Variants in SPMAP2L observed in about 807,000 individuals in gnomAD.
The protein encoded by SPMAP2L is sperm microtubule associated protein 2 like.
the SPMAP2L span, among the ~76,000 whole-genome samples, chr4:56,625,260 C>G: frequency 2.6e-5 from 4 of 152,244 alleles, no homozygotes; most frequent in African/African-American, 9.6e-5. Flanking sequence ...CCCATTGTAT[C>G]TAGGAAGTAA....
the SPMAP2L span, among the ~76,000 whole-genome samples, chr4:56,603,940 G>C: frequency 6.6e-6 from 1 of 152,190 alleles, no homozygotes; most frequent in Non-Finnish European, 1.5e-5. Flanking sequence ...CCATGAATGA[G>C]AGAAAAAGCT....
the SPMAP2L span, chr4:56,552,698 A>G: frequency 1.3e-6 from 1 of 761,964 alleles, no homozygotes; most frequent in Middle Eastern, 3.1e-4. Context: ...ATCCACCTCT[A>G]CTTAACTAGA....
At chr4:56,625,869 C>T in the SPMAP2L span, among the ~76,000 whole-genome samples, 2 of 152,158 alleles carry the variant, frequency 1.3e-5, no homozygotes, top group Non-Finnish European at 2.9e-5. Context: ...TCCAGATAGC[C>T]GGAGTTATTT....
At chr4:56,573,458 A>C in the SPMAP2L span, among the ~76,000 whole-genome samples, 1 of 151,740 alleles carries the variant, frequency 6.6e-6, no homozygotes, top group Admixed American at 6.6e-5. Flanking sequence ...TCTCTCACTC[A>C]CTGCTTGGGC....
chr4:56,544,135 T>A, the SPMAP2L span, among the ~76,000 whole-genome samples: 1 of 152,144 alleles, frequency 6.6e-6, no homozygotes, highest in South Asian at 2.1e-4. Flanking sequence ...ATTACAGGTG[T>A]GAGCCACCAC....
chr4:56,623,659 T>C, the SPMAP2L span, among the ~76,000 whole-genome samples: 6 of 152,162 alleles, frequency 3.9e-5, no homozygotes, highest in Admixed American at 3.9e-4. Context: ...ATTATCATGA[T>C]AGTCTATAAG....
the SPMAP2L span, among the ~76,000 whole-genome samples, chr4:56,575,251 A>AAAAAAAAAG: frequency 2.0e-5 from 3 of 151,922 alleles, no homozygotes; most frequent in African/African-American, 7.2e-5. Context: ...TCCATCTCAA[A>AAAAAAAAAG]AAAAAAAAGA....
the SPMAP2L span, among the ~76,000 whole-genome samples, chr4:56,611,962 T>C: frequency 6.6e-6 from 1 of 152,230 alleles, no homozygotes; most frequent in Non-Finnish European, 1.5e-5. Context: ...TGCCTTTAAG[T>C]TTCTGTCAAA....
chr4:56,548,127 T>C, the SPMAP2L span, among the ~76,000 whole-genome samples: 1 of 152,194 alleles, frequency 6.6e-6, no homozygotes, highest in Admixed American at 6.5e-5. Context: ...CATCTTACCC[T>C]TCCAACATCT....
chr4:56,593,024 A>G, the SPMAP2L span: 8 of 1,597,392 alleles, frequency 5.0e-6, no homozygotes, highest in Non-Finnish European at 6.9e-6. Flanking sequence ...TCTGCATGCC[A>G]TTTCAAGCAA....
the SPMAP2L span, among the ~76,000 whole-genome samples, chr4:56,597,073 G>A: frequency 2.0e-5 from 3 of 152,328 alleles, no homozygotes; most frequent in African/African-American, 7.2e-5. Flanking sequence ...GAATGACTGT[G>A]GGGCAGGGTG....
At chr4:56,548,002 A>G in the SPMAP2L span, among the ~76,000 whole-genome samples, 121 of 152,338 alleles carry the variant, frequency 7.9e-4, no homozygotes, top group South Asian at 4.6e-3. Context: ...TTTAGGGTCC[A>G]TTTCTATAAA....
chr4:56,559,319 AAAAG>A, the SPMAP2L span: 3 of 1,167,090 alleles, frequency 2.6e-6, no homozygotes, highest in Non-Finnish European at 3.3e-6. Context: ...AAAAAAAAAA[AAAAG>A]AGTCATTTTT....
chr4:56,565,316 A>G, the SPMAP2L span, among the ~76,000 whole-genome samples: 1 of 152,174 alleles, frequency 6.6e-6, no homozygotes, highest in Non-Finnish European at 1.5e-5. Flanking sequence ...TTGCAATTCT[A>G]TTGGTTTTTA....
the SPMAP2L span, among the ~76,000 whole-genome samples, chr4:56,532,020 G>T: frequency 1.3e-5 from 2 of 151,982 alleles, no homozygotes; most frequent in South Asian, 4.2e-4. Flanking sequence ...CCATCTACTC[G>T]CTTCCTACAC....
chr4:56,560,060 G>C, the SPMAP2L span, among the ~76,000 whole-genome samples: 1 of 152,038 alleles, frequency 6.6e-6, no homozygotes, highest in Non-Finnish European at 1.5e-5. Context: ...TAATGCTTTG[G>C]TTTATGAGGA....
the SPMAP2L span, among the ~76,000 whole-genome samples, chr4:56,604,383 G>A: frequency 6.6e-6 from 1 of 152,158 alleles, no homozygotes; most frequent in East Asian, 1.9e-4. Context: ...GCTGTGGCTA[G>A]GCACAGTGGC....
the SPMAP2L span, among the ~76,000 whole-genome samples, chr4:56,599,749 C>A: frequency 2.0e-5 from 3 of 152,166 alleles, no homozygotes; most frequent in African/African-American, 7.2e-5. Context: ...TTTTTTATGG[C>A]TGCATAGTAT....
the SPMAP2L span, chr4:56,584,426 A>G: frequency 2.2e-6 from 2 of 921,534 alleles, no homozygotes; most frequent in Admixed American, 2.1e-5. Context: ...AGTTGATTGT[A>G]GTAATGGAAA....
Sources: allele counts gnomAD v4.1 joint callset (sites outside exome capture counted in the v4.1 genomes callset), GRCh38; gene constraint gnomAD v4.1.1; transcripts MANE v1.5; gene names NCBI Gene and HGNC (gene_info 2026-07-23, HGNC 2026-07-21).